The following SGCZ variants were observed in gnomAD, a reference collection of about 807,000 sequenced individuals.
The protein encoded by SGCZ is sarcoglycan zeta, also known as zeta-sarcoglycan.
SGCZ carries 40 observed loss-of-function variants against 41.3 expected under a neutral mutation model. The ratio of observed to expected loss-of-function variants is 0.97; its 90% CI spans 0.75 to 1.26. The LOEUF (loss-of-function observed/expected upper bound fraction) is 1.26, where lower values mean the gene tolerates loss of function less well. SGCZ is among the 50% of genes most tolerant of loss of function. The probability of loss-of-function intolerance (pLI) is 0.00; values close to 1 mark genes in which losing one functional copy is unlikely to be tolerated. For missense variants in SGCZ, 552 were observed against 369.8 expected (o/e 1.49, Z -4.04); for synonymous variants, 206 against 137.5 (o/e 1.50, Z -3.49).
chr8:14,674,928 G>GCTTTGTTTTTTT (rs1554478141), intron 1 of SGCZ, among the ~76,000 whole-genome samples: 1 of 70,998 alleles, frequency 1.4e-5, no homozygotes, highest in African/African-American at 5.1e-5. Flanking sequence ...TTTCTTTTCT[G>GCTTTGTTTTTTT]TTTTTTTTTT....
intron 3 of SGCZ, among the ~76,000 whole-genome samples, chr8:14,258,479 G>C (rs1313647726): frequency 6.6e-6 from 1 of 152,086 alleles, no homozygotes; most frequent in Non-Finnish European, 1.5e-5. Context: ...AAATTCACAT[G>C]ACATTCTGGA....
intron 4 of SGCZ, among the ~76,000 whole-genome samples, chr8:14,207,592 T>C (rs10099889): frequency 0.018 from 2,672 of 152,286 alleles, 78 homozygotes; most frequent in African/African-American, 0.06. Flanking sequence ...TTTACTATGT[T>C]AAGTTATAAT....
intron 2 of SGCZ, 115 bp from the exon 3 acceptor site, chr8:14,324,319 G>A: frequency 1.3e-6 from 1 of 741,012 alleles, no homozygotes; most frequent in Middle Eastern, 2.3e-4. Flanking sequence ...GATGATTTAA[G>A]GAAAATGAGA....
At chr8:15,160,625 G>C (rs1269699647) in intron 1 of SGCZ, among the ~76,000 whole-genome samples, 1 of 152,100 alleles carries the variant, frequency 6.6e-6, no homozygotes, top group Non-Finnish European at 1.5e-5. Context: ...TCTAGGCTTT[G>C]TAGAAAACAT....
At position 15,071,651 on chromosome 8, in the gene SGCZ, T is replaced by C. The variant is rs115448167; in HGVS notation, c.39+165934A>G. 6.6e-3 allele frequency among the ~76,000 whole-genome samples: 1,010 copies of C among 152,310 alleles called. 7 individuals carry two copies. Among genetic ancestry groups the C allele is most frequent in the Non-Finnish European group, 0.011 (733 of 68,016 alleles). On this transcript the variant is annotated intron_variant, in intron 1 of 7. Coordinates refer to ENST00000382080, the MANE Select transcript of SGCZ (RefSeq NM_139167.4). ...AATCAACATTCTAAAATTCACAATA[T>C]AGACAACTTCTGAAATGTAATGGTG...
chr8:15,059,100 T>C (rs916783947), intron 1 of SGCZ, among the ~76,000 whole-genome samples: 1 of 152,164 alleles, frequency 6.6e-6, no homozygotes, highest in Admixed American at 6.5e-5. Flanking sequence ...ATGTCTAAAG[T>C]TGTTACGATA....
chr8:15,170,510 T>C (rs1340434354), intron 1 of SGCZ, among the ~76,000 whole-genome samples: 2 of 152,216 alleles, frequency 1.3e-5, no homozygotes, highest in Non-Finnish European at 2.9e-5. Flanking sequence ...ACTAAAATTC[T>C]TTCTCAGTGC....
At chr8:14,139,799 A>G (rs1438683491) in intron 5 of SGCZ, among the ~76,000 whole-genome samples, 1 of 152,210 alleles carries the variant, frequency 6.6e-6, no homozygotes, top group Non-Finnish European at 1.5e-5. Context: ...TATTCCAATC[A>G]ATAGAAAAAG....
intron 3 of SGCZ, among the ~76,000 whole-genome samples, chr8:14,294,050 C>A (rs943328898): frequency 5.3e-5 from 8 of 151,648 alleles, no homozygotes; most frequent in Non-Finnish European, 1.2e-4. Flanking sequence ...CATATATCAA[C>A]AATATTGACA....
At chr8:14,447,015 A>G (rs955162659) in intron 2 of SGCZ, among the ~76,000 whole-genome samples, 1 of 152,348 alleles carries the variant, frequency 6.6e-6, no homozygotes, top group Admixed American at 6.5e-5. Flanking sequence ...TGAAAATAGC[A>G]AAGATGCATA....
chr8:14,692,963 G>C (rs1461853895), intron 1 of SGCZ, among the ~76,000 whole-genome samples: 1 of 152,140 alleles, frequency 6.6e-6, no homozygotes, highest in Non-Finnish European at 1.5e-5. Flanking sequence ...AGTGGCCATG[G>C]ATTACTGAAA....
chr8:14,985,124 G>C (rs1232724306), intron 1 of SGCZ, among the ~76,000 whole-genome samples: 29 of 152,110 alleles, frequency 1.9e-4, no homozygotes, highest in Non-Finnish European at 2.9e-5. Flanking sequence ...ATTCTTGAAG[G>C]ATTTAGAGTT....
chr8:14,555,130 A>G (rs1803995498), intron 1 of SGCZ, among the ~76,000 whole-genome samples: 1 of 152,022 alleles, frequency 6.6e-6, no homozygotes, highest in Non-Finnish European at 1.5e-5. Context: ...GAGATGTTTA[A>G]TTCATTGTTA....
chr8:14,689,278 A>C (rs1268158252), intron 1 of SGCZ, among the ~76,000 whole-genome samples: 1 of 152,154 alleles, frequency 6.6e-6, no homozygotes, highest in African/African-American at 2.4e-5. Flanking sequence ...TTAAATAAGC[A>C]GTGGCAAAAT....
At chr8:15,236,280 G>C (rs540301490) in intron 1 of SGCZ, among the ~76,000 whole-genome samples, 3 of 152,328 alleles carry the variant, frequency 2.0e-5, no homozygotes, top group African/African-American at 7.2e-5. Context: ...GGCGCCTGGA[G>C]AACTGGGCTC....
intron 1 of SGCZ, among the ~76,000 whole-genome samples, chr8:14,560,058 T>C (rs566425093): frequency 4.6e-5 from 7 of 152,032 alleles, no homozygotes; most frequent in African/African-American, 1.7e-4. Flanking sequence ...AGAGAAAACA[T>C]AAAAAGAGAA....
intron 1 of SGCZ, among the ~76,000 whole-genome samples, chr8:14,594,221 T>TAA (rs1554459566): frequency 8.1e-6 from 1 of 122,956 alleles, no homozygotes; most frequent in South Asian, 2.6e-4. Flanking sequence ...AATAAATAAA[T>TAA]AAATAAAATA....
intron 2 of SGCZ, among the ~76,000 whole-genome samples, chr8:14,421,846 T>A (rs887838892): frequency 6.6e-6 from 1 of 152,156 alleles, no homozygotes; most frequent in African/African-American, 2.4e-5. Flanking sequence ...AATAGTTTAT[T>A]TAAAGAGGAA....
intron 2 of SGCZ, among the ~76,000 whole-genome samples, chr8:14,370,099 G>T (rs1409095716): frequency 6.6e-6 from 1 of 151,986 alleles, no homozygotes; most frequent in Admixed American, 6.6e-5. Flanking sequence ...GTAGTGGTAA[G>T]ATGAAGGGGT....
Sources: allele counts gnomAD v4.1 joint callset (sites outside exome capture counted in the v4.1 genomes callset), GRCh38; gene constraint gnomAD v4.1.1; transcripts MANE v1.5; gene names NCBI Gene and HGNC (gene_info 2026-07-23, HGNC 2026-07-21).